The following CDH2 variants were observed in gnomAD, a reference collection of about 807,000 sequenced individuals.
CDH2 encodes cadherin 2, also known as cadherin-2.
A neutral mutation model predicts 92.0 loss-of-function variants in CDH2; 17 were observed. The ratio of observed to expected loss-of-function variants is 0.18; its 90% CI spans 0.13 to 0.28. The LOEUF is 0.28. Among genes scored for constraint, CDH2 ranks in the 10% least tolerant of loss-of-function variants. The pLI is 1.00. For missense variants in CDH2, 862 were observed against 1,133.1 expected (o/e 0.76, Z 3.44); for synonymous variants, 419 against 415.9 (o/e 1.01, Z -0.09).
chr18:27,980,993 G>A (rs992500295), intron 14 of CDH2, among the ~76,000 whole-genome samples: 12 of 151,884 alleles, frequency 7.9e-5, no homozygotes, highest in East Asian at 5.8e-4. Context: ...ATAACAATAC[G>A]GCCATATTAA....
At chr18:27,982,368 A>G (rs2586577) in intron 14 of CDH2, among the ~76,000 whole-genome samples, 7 of 152,006 alleles carry the variant, frequency 4.6e-5, no homozygotes, top group Non-Finnish European at 8.8e-5. Context: ...TCTGACATCT[A>G]TTGAATAACC....
At chr18:28,009,942 C>T (rs1020253778) in intron 4 of CDH2, 70 bp from the exon 5 acceptor site, 6 of 1,242,240 alleles carry the variant, frequency 4.8e-6, no homozygotes, top group East Asian at 5.0e-5. Flanking sequence ...TGGGGCACAT[C>T]ACACTTCATG....
intron 14 of CDH2, 64 bp from the exon 15 acceptor site, chr18:27,963,585 G>A: frequency 2.1e-6 from 3 of 1,458,472 alleles, no homozygotes; most frequent in Non-Finnish European, 9.6e-7. Flanking sequence ...TTACAACCTC[G>A]CTTTTTAAGC....
chr18:27,960,318 A>T, intron 15 of CDH2, among the ~76,000 whole-genome samples: 1 of 152,176 alleles, frequency 6.6e-6, no homozygotes, highest in East Asian at 1.9e-4. Flanking sequence ...TGGGTTGGTA[A>T]ATACTTAATG....
Position 28,168,911 on chromosome 18 carries a change from A to C in CDH2, c.60+8052T>G, listed in dbSNP as rs138654230. Among the ~76,000 whole-genome samples the C allele has an allele frequency of 5.9e-5, 9 of 152,250 alleles. No homozygotes were observed. The East Asian group carries it at 9.7e-4, about 16-fold the overall frequency. ...ATACAAAAAGGGCTGCAGTCTGATA[A>C]AGGGAGAAACCCGTATGCTTTGTAG... On this transcript the variant is annotated intron_variant, in intron 1 of 15. Coordinates refer to ENST00000269141, the MANE Select transcript of CDH2 (RefSeq NM_001792.5).
intron 2 of CDH2, among the ~76,000 whole-genome samples, chr18:28,047,850 C>T (rs1418033219): frequency 8.3e-5 from 9 of 107,960 alleles, no homozygotes; most frequent in African/African-American, 3.4e-4. Flanking sequence ...GCCTGAACAA[C>T]AGAGGGAGAC....
At chr18:27,977,032 T>A (rs775014071) in intron 14 of CDH2, among the ~76,000 whole-genome samples, 3 of 152,126 alleles carry the variant, frequency 2.0e-5, no homozygotes, top group East Asian at 3.8e-4. Flanking sequence ...ACCAACCCCA[T>A]TGGCCAAAAG....
chr18:28,064,581 A>T (rs983425464), intron 2 of CDH2, among the ~76,000 whole-genome samples: 1 of 152,034 alleles, frequency 6.6e-6, no homozygotes, highest in African/African-American at 2.4e-5. Flanking sequence ...AGAGACTAAA[A>T]CAGAATGATG....
intron 15 of CDH2, among the ~76,000 whole-genome samples, chr18:27,958,665 A>G (rs974878348): frequency 8.5e-5 from 13 of 152,118 alleles, no homozygotes; most frequent in African/African-American, 2.4e-4. Context: ...TGCACACACA[A>G]TGATACGGTT....
intron 7 of CDH2, among the ~76,000 whole-genome samples, chr18:28,000,913 G>A (rs1291619503): frequency 6.6e-6 from 1 of 152,062 alleles, no homozygotes; most frequent in Non-Finnish European, 1.5e-5. Context: ...AGAATTTCAA[G>A]TCTGCACGAG....
At chr18:28,174,254 A>G (rs535267906) in intron 1 of CDH2, among the ~76,000 whole-genome samples, 81 of 152,100 alleles carry the variant, frequency 5.3e-4, no homozygotes, top group African/African-American at 1.9e-3. Flanking sequence ...TAAAAAAAAA[A>G]GAAAAAAAAA....
chr18:27,952,819 C>T (rs1909530476), intron 15 of CDH2, among the ~76,000 whole-genome samples: 1 of 152,166 alleles, frequency 6.6e-6, no homozygotes, highest in African/African-American at 2.4e-5. Context: ...TCTAGCATAA[C>T]AGGTATTACT....
intron 1 of CDH2, among the ~76,000 whole-genome samples, chr18:28,174,588 G>A (rs2016510186): frequency 2.0e-5 from 3 of 152,140 alleles, no homozygotes; most frequent in African/African-American, 7.2e-5. Flanking sequence ...AAGAAACTGA[G>A]AAAGAACATA....
intron 2 of CDH2, among the ~76,000 whole-genome samples, chr18:28,084,590 T>C (rs8087643): frequency 0.078 from 11,631 of 149,860 alleles, 1,481 homozygotes; most frequent in African/African-American, 0.27. Flanking sequence ...AAAAAAAGGA[T>C]ACACACACAC....
At chr18:28,114,676 G>T (rs2015466575) in intron 2 of CDH2, among the ~76,000 whole-genome samples, 1 of 152,036 alleles carries the variant, frequency 6.6e-6, no homozygotes. Flanking sequence ...GTAGTTCAAA[G>T]TTGACGTTGT....
At position 28,130,441 on chromosome 18, in the gene CDH2, A is replaced by C. The variant is rs1028282737; in HGVS notation, c.172+17232T>G. ...GTAAGTCTCACATCTTGTGAAATAC[A>C]CATGTAAGTGCAGTATCGTGATGTA... is the stretch of plus-strand genomic sequence containing the variant. On this transcript the variant is annotated intron_variant, in intron 2 of 15. Transcript: ENST00000269141. Among the ~76,000 whole-genome samples, 7 of 152,238 alleles carry C rather than the reference A, an allele frequency of 4.6e-5. No individual in the cohort carries two copies. In the South Asian group the frequency reaches 6.2e-4, roughly 14 times the overall value.
chr18:28,046,104 T>C (rs2014069974), intron 2 of CDH2, among the ~76,000 whole-genome samples: 1 of 152,206 alleles, frequency 6.6e-6, no homozygotes, highest in African/African-American at 2.4e-5. Context: ...GAGTCAAGCA[T>C]TCCTTTCTAT....
At chr18:28,031,973 C>T (rs955445185) in intron 2 of CDH2, among the ~76,000 whole-genome samples, 18 of 152,166 alleles carry the variant, frequency 1.2e-4, no homozygotes, top group African/African-American at 4.1e-4. Flanking sequence ...GAATCACAAA[C>T]TGCCTAGGGG....
intron 1 of CDH2, among the ~76,000 whole-genome samples, chr18:28,175,121 G>A (rs2016518203): frequency 6.6e-6 from 1 of 152,162 alleles, no homozygotes; most frequent in Non-Finnish European, 1.5e-5. Context: ...TGAAGTGACA[G>A]GAGGTCAAAG....
Sources: gnomAD v4.1 joint callset for allele counts (sites outside exome capture counted in the v4.1 genomes callset) on GRCh38, gnomAD v4.1.1 for gene constraint, MANE v1.5 for transcripts, NCBI Gene and HGNC (gene_info 2026-07-23, HGNC 2026-07-21) for gene names.